The following GYPC variants were observed in gnomAD, a reference collection of about 807,000 sequenced individuals.
The protein encoded by GYPC is glycophorin-C.
GYPC carries 14 observed loss-of-function variants against 12.6 expected under a neutral mutation model. That is an observed-to-expected ratio of 1.11 (90% CI 0.74 to 1.74). The LOEUF is 1.74. GYPC is among the 40% of genes most tolerant of loss of function. The pLI is 0.00. For missense variants in GYPC, 225 were observed against 172.1 expected (o/e 1.31, Z -1.72); for synonymous variants, 78 against 62.1 (o/e 1.26, Z -1.20).
chr2:126,674,451 C>A (rs1413278290), intron 1 of GYPC, among the ~76,000 whole-genome samples: 1 of 64,430 alleles, frequency 1.6e-5, no homozygotes, highest in East Asian at 3.2e-4. Flanking sequence ...TGATGGGAAA[C>A]AAGTGGGGGG....
Position 126,696,456 on chromosome 2 carries a change from A to G in GYPC, c.*314A>G. 2.5e-6 allele frequency: 1 copy of G among 397,202 alleles called. No homozygotes were observed. Among genetic ancestry groups the G allele is most frequent in the East Asian group, 5.8e-5 (1 of 17,304 alleles). The allele number at this position is 397,202 out of a possible 1,614,324, so 24.6% of individuals were successfully genotyped here. The stretch of plus-strand genomic sequence containing the variant: ...TGCAGGACAACATCAGCTCACTGGC[A>G]GGAAAGTCCTTGTTGAGGGTGAGGG... On this transcript the variant is annotated 3_prime_UTR_variant, in exon 4 of 4. Coordinates refer to ENST00000259254, the MANE Select transcript of GYPC (RefSeq NM_002101.5).
At chr2:126,677,404 AGTGT>A (rs1445214719) in intron 1 of GYPC, among the ~76,000 whole-genome samples, 4 of 149,894 alleles carry the variant, frequency 2.7e-5, no homozygotes, top group Admixed American at 2.0e-4. Context: ...AGTGTGTTAG[AGTGT>A]GTAAGTGTGT....
At chr2:126,674,508 G>A (rs1036966338) in intron 1 of GYPC, among the ~76,000 whole-genome samples, 2 of 152,218 alleles carry the variant, frequency 1.3e-5, no homozygotes, top group Admixed American at 1.3e-4. Flanking sequence ...GGGCACTAGA[G>A]AGGCCCTCGA....
chr2:126,686,808 G>A lies in GYPC; in HGVS notation c.50-3447G>A, dbSNP rs115763117. On this transcript the variant is annotated intron_variant, in intron 1 of 3. Coordinates refer to ENST00000259254, the MANE Select transcript of GYPC (RefSeq NM_002101.5). ...TCTGATACCAGACCCAAGCTTGGCC[G>A]TAATCAACACCTTATTCTGCCATGA... Among the ~76,000 whole-genome samples, 532 of 152,176 alleles carry A rather than the reference G, an allele frequency of 3.5e-3. 2 individuals are homozygous for A. The highest frequency in any genetic ancestry group is 0.012 in the African/African-American group (498 of 41,522).
intron 1 of GYPC, chr2:126,686,737 G>C (rs768425029): frequency 2.1e-6 from 2 of 975,116 alleles, no homozygotes; most frequent in Non-Finnish European, 2.4e-6. Flanking sequence ...CCAAAAAATA[G>C]GTCCTCTCAT....
At chr2:126,694,331 T>C (rs424689) in intron 3 of GYPC, among the ~76,000 whole-genome samples, 18 of 152,094 alleles carry the variant, frequency 1.2e-4, no homozygotes, top group South Asian at 2.1e-4. Context: ...TCCATGACCC[T>C]CAACCCTCCA....
At chr2:126,689,296 A>T (rs1162501707) in intron 1 of GYPC, among the ~76,000 whole-genome samples, 2 of 152,182 alleles carry the variant, frequency 1.3e-5, no homozygotes, top group Non-Finnish European at 2.9e-5. Context: ...CTGTGTGATC[A>T]TGGGCACATC....
intron 1 of GYPC, among the ~76,000 whole-genome samples, chr2:126,685,320 G>C (rs1445858464): frequency 6.6e-6 from 1 of 151,706 alleles, no homozygotes; most frequent in Non-Finnish European, 1.5e-5. Flanking sequence ...TCTGGCTCTT[G>C]AACCCCAAAT....
chr2:126,662,698 T>C (rs914845904), intron 1 of GYPC, among the ~76,000 whole-genome samples: 1 of 152,230 alleles, frequency 6.6e-6, no homozygotes, highest in East Asian at 1.9e-4. Flanking sequence ...ATTCTACGGC[T>C]AGTCCTGAAC....
In GYPC at chr2:126,685,387, TTTC is replaced by T. The variant is rs565309036; in HGVS notation, c.50-4865_50-4863del. On this transcript the variant is annotated intron_variant, in intron 1 of 3. Coordinates refer to ENST00000259254, the MANE Select transcript of GYPC (RefSeq NM_002101.5). ...TGCTTGTTAAATTGACTTTTCTTTC[TTTC>T]TTTTTTTTTTTTGAGAGGGATTCTC... 3.0e-3 allele frequency among the ~76,000 whole-genome samples: 404 copies of T among 135,242 alleles called. 1 individual carries two copies. The highest frequency in any genetic ancestry group is 0.011 in the African/African-American group (394 of 36,774). The allele number at this position is 135,242 out of a possible 152,430, so 88.7% of individuals were successfully genotyped here.
chr2:126,685,501 T>C (rs1260505401), intron 1 of GYPC, among the ~76,000 whole-genome samples: 4 of 151,974 alleles, frequency 2.6e-5, no homozygotes, highest in Middle Eastern at 3.2e-3. Context: ...TCTCCTGCCT[T>C]AGCCTCCTGA....
At chr2:126,674,455 T>TG (rs776917858) in intron 1 of GYPC, among the ~76,000 whole-genome samples, 16 of 63,812 alleles carry the variant, frequency 2.5e-4, no homozygotes, top group East Asian at 1.7e-3. Context: ...GGGAAACAAG[T>TG]GGGGGGGGAA....
intron 1 of GYPC, among the ~76,000 whole-genome samples, chr2:126,670,964 A>G (rs778465856): frequency 1.8e-4 from 28 of 152,124 alleles, no homozygotes; most frequent in Non-Finnish European, 3.1e-4. Flanking sequence ...AGCCCTTTAT[A>G]GACTCCTGAC....
At chr2:126,668,158 G>A (rs1017041978) in intron 1 of GYPC, among the ~76,000 whole-genome samples, 4 of 152,146 alleles carry the variant, frequency 2.6e-5, no homozygotes, top group African/African-American at 9.7e-5. Context: ...ACACAAAAGA[G>A]CGTCACAACT....
At chr2:126,674,108 T>C (rs2104784586) in intron 1 of GYPC, among the ~76,000 whole-genome samples, 1 of 152,304 alleles carries the variant, frequency 6.6e-6, no homozygotes, top group East Asian at 1.9e-4. Flanking sequence ...CATTGTATTA[T>C]AATATTTCTT....
chr2:126,676,293 T>G (rs1246974894), intron 1 of GYPC, among the ~76,000 whole-genome samples: 2 of 152,244 alleles, frequency 1.3e-5, no homozygotes, highest in East Asian at 1.9e-4. Flanking sequence ...AACTTGCTTT[T>G]GAAGTGCTAA....
chr2:126,673,225 A>T lies in GYPC; in HGVS notation c.49+16913A>T, dbSNP rs151073452. ...TAATATGATGCCAGGACAAGAATCCAGTTGCTCCGGAAGAGACTGACTCCT... is the reference window on the plus strand; with the variant it reads ...TAATATGATGCCAGGACAAGAATCCTGTTGCTCCGGAAGAGACTGACTCCT... On this transcript the variant is annotated intron_variant, in intron 1 of 3. Transcript: ENST00000259254. Among the ~76,000 whole-genome samples, 105 of 152,244 alleles carry T rather than the reference A, an allele frequency of 6.9e-4. 1 individual carries two copies. The East Asian group carries it at 0.019, about 27-fold the overall frequency.
chr2:126,695,122 C>T (rs1272652212), intron 3 of GYPC, among the ~76,000 whole-genome samples: 2 of 152,184 alleles, frequency 1.3e-5, no homozygotes, highest in African/African-American at 4.8e-5. Flanking sequence ...GAGGAGCAGC[C>T]ATCAGGCCAT....
rs764555768 is a variant in GYPC at position 126,696,639 on chromosome 2, G to C, written c.*497G>C. The C allele has an allele frequency of 2.2e-5, 5 of 227,976 alleles. No homozygotes were observed. Among genetic ancestry groups the C allele is most frequent in the Non-Finnish European group, 3.5e-5 (4 of 113,512 alleles). The allele number at this position is 227,976 out of a possible 1,614,324, so 14.1% of individuals were successfully genotyped here. On this transcript the variant is annotated 3_prime_UTR_variant, in exon 4 of 4. Coordinates refer to ENST00000259254, the MANE Select transcript of GYPC (RefSeq NM_002101.5). ...GTCTGCCATTGATCCAGCTCAGAAC[G>C]ATTGGAAATAAATTTGAAATGTAAC...
Sources: gnomAD v4.1 joint callset for allele counts (sites outside exome capture counted in the v4.1 genomes callset) on GRCh38, gnomAD v4.1.1 for gene constraint, MANE v1.5 for transcripts, NCBI Gene and HGNC (gene_info 2026-07-23, HGNC 2026-07-21) for gene names.